The following PCSK6 variants were observed in gnomAD, a reference collection of about 807,000 sequenced individuals.
PCSK6 encodes paired basic amino acid cleaving enzyme 4.
Under a neutral mutation model 123.3 loss-of-function variants are expected in PCSK6, and 85 were observed. That is an observed-to-expected ratio of 0.69 (90% CI 0.58 to 0.83). The LOEUF (loss-of-function observed/expected upper bound fraction) is 0.83, where lower values mean the gene tolerates loss of function less well. Ranked by LOEUF, PCSK6 falls within the 40% of genes least tolerant of loss-of-function variation. The pLI, the probability that PCSK6 is intolerant of heterozygous loss-of-function variation, is 0.00. For missense variants in PCSK6, 1,191 were observed against 1,282.3 expected, an observed-to-expected ratio of 0.93 and a Z score of 1.09; for synonymous variants, 508 against 516.0, an observed-to-expected ratio of 0.98 and a Z score of 0.21.
At position 101,305,066 on chromosome 15, in the gene PCSK6, T is replaced by C. The variant is rs1326704492; in HGVS notation, c.*192A>G. The stretch of plus-strand genomic sequence containing the variant: ...CCAACAAGCAGCATTTGAGAGGATA[T>C]CACCATTTTAGGAACACCTCCTTAA... On this transcript the variant is annotated 3_prime_UTR_variant, in exon 22 of 22. Transcript: ENST00000611716. The surrounding 1 kb of genome is among the most constrained non-coding windows in gnomAD (Gnocchi z 4.8). 2 of 577,088 alleles carry C rather than the reference T, an allele frequency of 3.5e-6. No homozygotes were observed. Among genetic ancestry groups the C allele is most frequent in the Admixed American group, 3.0e-5 (1 of 33,222 alleles). 35.7% of individuals were successfully genotyped at this position (577,088 alleles called of 1,614,324 possible). A position where few individuals can be genotyped will look rare whatever the true frequency, so the allele number is the denominator to read the frequency against.
intron 9 of PCSK6, among the ~76,000 whole-genome samples, chr15:101,385,448 C>T (rs2042032761): frequency 6.6e-6 from 1 of 152,186 alleles, no homozygotes; most frequent in African/African-American, 2.4e-5. Context: ...TTGGTCCTGT[C>T]TATTCACAGT....
At chr15:101,395,591 C>G (rs940838317) in intron 7 of PCSK6, among the ~76,000 whole-genome samples, 1 of 152,132 alleles carries the variant, frequency 6.6e-6, no homozygotes, top group East Asian at 1.9e-4. Context: ...CTGTCTCTGA[C>G]GACTTTATTT....
intron 6 of PCSK6, among the ~76,000 whole-genome samples, chr15:101,419,725 T>C (rs1468780291): frequency 1.3e-5 from 2 of 151,968 alleles, no homozygotes; most frequent in African/African-American, 4.8e-5. Flanking sequence ...AAGCGTGGTA[T>C]TGTTAGGGCT....
chr15:101,362,444 C>CCAGCA (rs1555449211), intron 13 of PCSK6, among the ~76,000 whole-genome samples: 18 of 152,142 alleles, frequency 1.2e-4, no homozygotes, highest in Non-Finnish European at 1.2e-4. Flanking sequence ...CTCAGTGTCA[C>CCAGCA]GGGGCTGGAT....
At chr15:101,340,525 A>T (rs902879977) in intron 13 of PCSK6, among the ~76,000 whole-genome samples, 1 of 152,222 alleles carries the variant, frequency 6.6e-6, no homozygotes, top group South Asian at 2.1e-4. Context: ...TACAAGGTTT[A>T]TAACAAAGAA....
chr15:101,316,732 T>C (rs1291924823), intron 19 of PCSK6, among the ~76,000 whole-genome samples: 1 of 152,046 alleles, frequency 6.6e-6, no homozygotes, highest in African/African-American at 2.4e-5. Context: ...CTGGCAATCA[T>C]AGGAGGACAC....
chr15:101,432,551 C>A (rs563886714), intron 2 of PCSK6, among the ~76,000 whole-genome samples: 50 of 151,470 alleles, frequency 3.3e-4, no homozygotes, highest in African/African-American at 1.1e-3. Context: ...ATTGCTTGAG[C>A]CTGGGAAGTC....
intron 1 of PCSK6, among the ~76,000 whole-genome samples, chr15:101,480,141 C>T (rs117484619): frequency 0.011 from 1,615 of 152,302 alleles, 14 homozygotes; most frequent in Middle Eastern, 0.054. Context: ...CTCAGAGCTT[C>T]GGTAGTCTGC....
chr15:101,397,901 TCAAAGTGGGCTGGGC>T (rs2042461875), intron 7 of PCSK6, among the ~76,000 whole-genome samples: 1 of 150,114 alleles, frequency 6.7e-6, no homozygotes, highest in Non-Finnish European at 1.5e-5. Flanking sequence ...CTGGAGAAGT[TCAAAGTGGGCTGGGC>T]TGTGCGCTGG....
At chr15:101,367,306 A>G (rs2041428367) in intron 12 of PCSK6, among the ~76,000 whole-genome samples, 1 of 152,152 alleles carries the variant, frequency 6.6e-6, no homozygotes, top group South Asian at 2.1e-4. Flanking sequence ...TTCTTTCTTC[A>G]CAGTCTAATT....
intron 2 of PCSK6, among the ~76,000 whole-genome samples, chr15:101,440,434 G>C (rs1375480776): frequency 6.6e-6 from 1 of 151,860 alleles, no homozygotes; most frequent in African/African-American, 2.4e-5. Flanking sequence ...ACACCCCCTT[G>C]AGTTTTGTTT....
chr15:101,470,484 T>C (rs2057578041), intron 1 of PCSK6, among the ~76,000 whole-genome samples: 1 of 152,230 alleles, frequency 6.6e-6, no homozygotes. Context: ...CACATCTTCC[T>C]CTTGGTACTA....
intron 6 of PCSK6, among the ~76,000 whole-genome samples, chr15:101,418,921 T>C (rs1334298829): frequency 6.6e-6 from 1 of 152,218 alleles, no homozygotes; most frequent in Non-Finnish European, 1.5e-5. Context: ...TCAACATCCA[T>C]TCCTGATTAA....
chr15:101,349,999 C>T (rs940265918), intron 13 of PCSK6, among the ~76,000 whole-genome samples: 1 of 152,118 alleles, frequency 6.6e-6, no homozygotes, highest in Non-Finnish European at 1.5e-5. Flanking sequence ...ACCTCCACCT[C>T]CCTGGTTCAA....
rs766432863 is a variant in PCSK6 at position 101,318,293 on chromosome 15, G to C, written c.2569+26C>G. 20 of 1,512,402 alleles carry C rather than the reference G, an allele frequency of 1.3e-5. No individual in the cohort carries two copies. In the Admixed American group the frequency reaches 3.7e-4, roughly 28 times the overall value. 93.7% of individuals were successfully genotyped at this position (1,512,402 alleles called of 1,614,324 possible). On this transcript the variant is annotated intron_variant, in intron 19 of 21. Transcript: ENST00000611716. Reference sequence around the variant, plus strand: ...GCCTACGCTTGGGTGACGCTGGCCCGAGGCCTCCGCAGGCGGTGAACTCAC... The same window carrying C: ...GCCTACGCTTGGGTGACGCTGGCCCCAGGCCTCCGCAGGCGGTGAACTCAC...
In PCSK6 at chr15:101,443,639, A is replaced by G. The variant is rs1396791707; in HGVS notation, c.319T>C (p.Tyr107His). The G allele has an allele frequency of 6.2e-7, 1 of 1,613,770 alleles. No homozygotes were observed. Among genetic ancestry groups the G allele is most frequent in the Non-Finnish European group, 8.5e-7 (1 of 1,179,648 alleles). Reference sequence around the variant, plus strand: ...AAGGTTTTGCTGTGATAAAAATGGTAGTAATCTTCCAGGTTTCCAATCTGC... The same window carrying G: ...AAGGTTTTGCTGTGATAAAAATGGTGGTAATCTTCCAGGTTTCCAATCTGC... ...LGQIGNLEDY[Y>H]HFYHSKTFKR... The change falls in exon 2 of 22, where the codon TAC (tyrosine) becomes CAC (histidine). Residue 107 changes from tyrosine (Y) to histidine (H), a missense_variant. This residue lies in a region of PCSK6 where 204 missense variants were observed against 166.4 expected (regional missense o/e 1.23). Coordinates refer to ENST00000611716, the MANE Select transcript of PCSK6 (RefSeq NM_002570.5).
chr15:101,379,745 T>A (rs761093133), intron 11 of PCSK6, among the ~76,000 whole-genome samples: 50 of 152,212 alleles, frequency 3.3e-4, no homozygotes, highest in Non-Finnish European at 6.5e-4. Flanking sequence ...CTTTTCATTT[T>A]CGGCCACGTG....
At position 101,434,801 on chromosome 15, in the gene PCSK6, C is replaced by T. The variant is rs528002287; in HGVS notation, c.403-2701G>A. Among the ~76,000 whole-genome samples the T allele has an allele frequency of 5.2e-3, 475 of 91,090 alleles. 9 individuals carry two copies. The South Asian group carries it at 0.076, about 14-fold the overall frequency. 59.8% of individuals were successfully genotyped at this position (91,090 alleles called of 152,430 possible). On this transcript the variant is annotated intron_variant, in intron 2 of 21. Coordinates refer to ENST00000611716, the MANE Select transcript of PCSK6 (RefSeq NM_002570.5). ...GCGCGGTGGCAGAGGCTGATTCTCCCGGCACTGTGTCCCTTCCTCTGGGTT... is the reference window on the plus strand; with the variant it reads ...GCGCGGTGGCAGAGGCTGATTCTCCTGGCACTGTGTCCCTTCCTCTGGGTT...
intron 11 of PCSK6, among the ~76,000 whole-genome samples, chr15:101,371,703 T>TGCCTCCAGGCCTCACTGCCTCC: frequency 6.6e-6 from 1 of 151,740 alleles, no homozygotes; most frequent in Non-Finnish European, 1.5e-5. Context: ...CCCACGCCTC[T>TGCCTCCAGGCCTCACTGCCTCC]GCCTCCAGGC....
Sources: allele counts gnomAD v4.1 joint callset (sites outside exome capture counted in the v4.1 genomes callset), GRCh38; gene constraint gnomAD v4.1.1; regional missense constraint gnomAD v4.1.1; non-coding constraint Gnocchi (gnomAD v3.1); transcripts MANE v1.5; gene names NCBI Gene and HGNC (gene_info 2026-07-23, HGNC 2026-07-21).